Variants in GNAO1 observed in about 807,000 individuals in gnomAD.
The protein encoded by GNAO1 is G protein subunit alpha o1.
For missense variants in GNAO1, 166 were observed against 478.7 expected (o/e 0.35, Z 6.10); for synonymous variants, 164 against 180.7 (o/e 0.91, Z 0.74).
intron 2 of GNAO1, 154 bp downstream of exon 2, chr16:56,192,770 T>TC (rs1373965105): frequency 1.7e-6 from 1 of 598,026 alleles, no homozygotes; most frequent in Non-Finnish European, 3.1e-6. Flanking sequence ...TTGACTCCCC[T>TC]CCCCCACTCC....
chr16:56,346,432 C>A (rs539892699), intron 6 of GNAO1: 1 of 985,284 alleles, frequency 1.0e-6, no homozygotes, highest in Non-Finnish European at 1.2e-6. Flanking sequence ...CTACGAAGAG[C>A]GTCTTTGCCA....
At chr16:56,230,110 T>C (rs554629133) in intron 2 of GNAO1, among the ~76,000 whole-genome samples, 2 of 149,850 alleles carry the variant, frequency 1.3e-5, no homozygotes, top group African/African-American at 2.5e-5. Context: ...TGGTCACTTA[T>C]GTTCCATAAC....
intron 3 of GNAO1, among the ~76,000 whole-genome samples, chr16:56,310,767 T>C (rs935182151): frequency 1.3e-5 from 2 of 152,112 alleles, no homozygotes; most frequent in Admixed American, 6.5e-5. Context: ...CCAAAATGTT[T>C]CGTGGTTCAG....
At chr16:56,264,276 G>C (rs1303288265) in intron 2 of GNAO1, among the ~76,000 whole-genome samples, 1 of 152,240 alleles carries the variant, frequency 6.6e-6, no homozygotes, top group Non-Finnish European at 1.5e-5. Context: ...GACCAGCAAT[G>C]CTACCCAGAA....
rs557657964 is a variant in GNAO1, at chr16:56,341,132, G to A, written c.723+4272G>A. 440 of 696,028 alleles carry A rather than the reference G, an allele frequency of 6.3e-4. 1 individual carries two copies. The African/African-American group carries it at 6.6e-3, about 10-fold the overall frequency. 43.1% of individuals were successfully genotyped at this position (696,028 alleles called of 1,614,324 possible). On this transcript the variant is annotated intron_variant, in intron 6 of 8. Coordinates refer to ENST00000262493, the MANE Select transcript of GNAO1 (RefSeq NM_020988.3). ...CGGTCCCCCACCCTGCCCCCAGATT[G>A]TGCTCTAGAGAGGAGGGGCAGCTAG...
chr16:56,296,743 C>T (rs2037291448), intron 3 of GNAO1, among the ~76,000 whole-genome samples: 1 of 152,168 alleles, frequency 6.6e-6, no homozygotes, highest in Non-Finnish European at 1.5e-5. Flanking sequence ...AGCCAAAGTA[C>T]TTGCTTTTTT....
At chr16:56,323,658 CAA>C (rs34470121) in intron 3 of GNAO1, among the ~76,000 whole-genome samples, 66 of 137,922 alleles carry the variant, frequency 4.8e-4, no homozygotes, top group Middle Eastern at 4.1e-3. Context: ...TAGCTGTAAG[CAA>C]AAAAAAAAAA....
intron 2 of GNAO1, among the ~76,000 whole-genome samples, chr16:56,232,063 G>A (rs576257073): frequency 6.6e-6 from 1 of 152,246 alleles, no homozygotes; most frequent in Non-Finnish European, 1.5e-5. Flanking sequence ...TGCCTAGAGA[G>A]GGTAAAGGAC....
chr16:56,335,574 C>T (rs1292212800), intron 5 of GNAO1, among the ~76,000 whole-genome samples: 2 of 152,198 alleles, frequency 1.3e-5, no homozygotes, highest in Non-Finnish European at 2.9e-5. Flanking sequence ...CCCATGTCCC[C>T]AACTCCTGCC....
At chr16:56,208,631 G>A (rs2036355343) in intron 2 of GNAO1, among the ~76,000 whole-genome samples, 1 of 152,142 alleles carries the variant, frequency 6.6e-6, no homozygotes, top group Non-Finnish European at 1.5e-5. Flanking sequence ...AATTCTTGCT[G>A]CCAATATTTG....
intron 2 of GNAO1, chr16:56,270,728 T>A (rs1399375770): frequency 1.3e-5 from 2 of 152,232 alleles, no homozygotes; most frequent in Admixed American, 1.3e-4. Flanking sequence ...TTTAGTCATG[T>A]CTCTGTTGGT....
In GNAO1 at chr16:56,326,004, C is replaced by T. The variant is rs2037628482; in HGVS notation, c.304-2627C>T. ...ATGGTCACATGCTCACCAGCCACCTCCTCCACTCATCGACCCTCTTCCTTG... is the reference window on the plus strand; with the variant it reads ...ATGGTCACATGCTCACCAGCCACCTTCTCCACTCATCGACCCTCTTCCTTG... On this transcript the variant is annotated intron_variant, in intron 3 of 8. Coordinates refer to ENST00000262493, the MANE Select transcript of GNAO1 (RefSeq NM_020988.3). This position sits in a 1 kb window ranked among gnomAD's most constrained non-coding sequence, Gnocchi z 4.8. Among the ~76,000 whole-genome samples the T allele has an allele frequency of 1.3e-5, 2 of 152,224 alleles. No homozygotes were observed. Among genetic ancestry groups the T allele is most frequent in the Admixed American group, 6.5e-5 (1 of 15,290 alleles).
chr16:56,204,481 A>G (rs1399296977), intron 2 of GNAO1, among the ~76,000 whole-genome samples: 2 of 151,950 alleles, frequency 1.3e-5, no homozygotes, highest in Non-Finnish European at 2.9e-5. Flanking sequence ...GAGGAAGGGA[A>G]CCTTCCTTCA....
chr16:56,333,217 T>C (rs1411450645), intron 4 of GNAO1, among the ~76,000 whole-genome samples: 1 of 151,254 alleles, frequency 6.6e-6, no homozygotes, highest in African/African-American at 2.4e-5. Flanking sequence ...TTTCTTTTTT[T>C]TTTTTTTCTC....
At chr16:56,224,962 T>C (rs2036521858) in intron 2 of GNAO1, among the ~76,000 whole-genome samples, 1 of 152,186 alleles carries the variant, frequency 6.6e-6, no homozygotes, top group Non-Finnish European at 1.5e-5. Context: ...GTGCTGTCAT[T>C]CCAAGGGCTT....
At chr16:56,215,003 T>A (rs962971929) in intron 2 of GNAO1, among the ~76,000 whole-genome samples, 3 of 152,220 alleles carry the variant, frequency 2.0e-5, no homozygotes, top group African/African-American at 4.8e-5. Flanking sequence ...GGACATACCA[T>A]GGTGTAGTGC....
intron 2 of GNAO1, among the ~76,000 whole-genome samples, chr16:56,228,825 C>T (rs569139776): frequency 7.4e-4 from 113 of 152,182 alleles, no homozygotes; most frequent in African/African-American, 2.5e-3. Context: ...CCACTGTTAC[C>T]GCCCCTTCAC....
intron 3 of GNAO1, among the ~76,000 whole-genome samples, chr16:56,327,861 C>A (rs1322312212): frequency 6.6e-6 from 1 of 152,174 alleles, no homozygotes; most frequent in African/African-American, 2.4e-5. Flanking sequence ...TTTCCCATTT[C>A]CATGTTTCAC....
chr16:56,347,915 C>A, intron 6 of GNAO1: 1 of 918,356 alleles, frequency 1.1e-6, no homozygotes, highest in Non-Finnish European at 1.3e-6. Context: ...CCGCCGTCCC[C>A]CACCCTGCCC....
Sources: gnomAD v4.1 joint callset for allele counts (sites outside exome capture counted in the v4.1 genomes callset) on GRCh38, gnomAD v4.1.1 for gene constraint, Gnocchi (gnomAD v3.1) non-coding constraint, MANE v1.5 for transcripts, NCBI Gene and HGNC (gene_info 2026-07-23, HGNC 2026-07-21) for gene names.